Variants in TRPV4 observed in about 807,000 individuals in gnomAD.
TRPV4 encodes the protein transient receptor potential cation channel subfamily V member 4.
TRPV4 carries 58 observed loss-of-function variants against 84.1 expected under a neutral mutation model. That is an observed-to-expected ratio of 0.69 (90% CI 0.56 to 0.86). TRPV4 has a LOEUF of 0.86. TRPV4 is among the 40% of genes least tolerant of loss of function. The probability of loss-of-function intolerance (pLI) is 0.00; values close to 1 mark genes in which losing one functional copy is unlikely to be tolerated. For synonymous variants in TRPV4, 489 were observed against 500.9 expected, an observed-to-expected ratio of 0.98 and a Z score of 0.32; for missense variants, 879 against 1,181.1, an observed-to-expected ratio of 0.74 and a Z score of 3.75.
At chr12:109,792,850 G>A in intron 10 of TRPV4, 33 bp from the exon 11 acceptor site, 3 of 1,610,770 alleles carry the variant, frequency 1.9e-6, no homozygotes, top group Non-Finnish European at 2.5e-6. Flanking sequence ...AGAGAGGCCA[G>A]AGGGGAGAGG....
Position 109,800,601 on chromosome 12 carries a change from A to C in TRPV4, c.853+17T>G, listed in dbSNP as rs757137288. The C allele has an allele frequency of 1.9e-6, 3 of 1,613,936 alleles. No homozygotes were observed. In the Admixed American group the frequency reaches 5.0e-5, roughly 27 times the overall value. ...CTTCTCCAGCATGCTGTCAGCCCCC[A>C]CCAGGCCCCTCCTTACCAAAGTAGA... On this transcript the variant is annotated intron_variant, in intron 5 of 15. Transcript: ENST00000261740.
At chr12:109,807,270 C>A (rs1891203092) in intron 3 of TRPV4, among the ~76,000 whole-genome samples, 1 of 126,990 alleles carries the variant, frequency 7.9e-6, no homozygotes, top group African/African-American at 3.6e-5. Flanking sequence ...GAATGAAACT[C>A]TGTCTCAAAA....
chr12:109,805,220 G>A (rs75955159), intron 3 of TRPV4, among the ~76,000 whole-genome samples: 1,881 of 152,360 alleles, frequency 0.012, 18 homozygotes, highest in Non-Finnish European at 0.02. Flanking sequence ...ACAGTGCCTG[G>A]TATGTGGTAG....
Position 109,820,514 on chromosome 12 carries a change from C to CTTT in TRPV4, c.-31-5688_-31-5687insAAA, listed in dbSNP as rs1186445597. Among the ~76,000 whole-genome samples the CTTT allele has an allele frequency of 8.4e-4, 103 of 123,122 alleles. 3 individuals carry two copies. Among genetic ancestry groups the CTTT allele is most frequent in the East Asian group, 1.2e-3 (4 of 3,212 alleles). The allele number at this position is 123,122 out of a possible 152,430, so 80.8% of individuals were successfully genotyped here. ...CTGATCTTCACTTTCTTCAGCTGCC[C>CTTT]TATTTTTTTTTTTTTTTTTTTTTTT... On this transcript the variant is annotated intron_variant, in intron 1 of 15. Coordinates refer to ENST00000261740, the MANE Select transcript of TRPV4 (RefSeq NM_021625.5).
At chr12:109,801,896 T>C (rs576496594) in intron 4 of TRPV4, among the ~76,000 whole-genome samples, 2 of 152,164 alleles carry the variant, frequency 1.3e-5, no homozygotes, top group African/African-American at 2.4e-5. Context: ...ACTCAAGATA[T>C]AATATTCATG....
Position 109,808,306 on chromosome 12 carries a change from C to T in TRPV4, c.549G>A (p.Glu183=), listed in dbSNP as rs141908793. Residue 183 remains glutamate, a synonymous_variant, in exon 3 of 16, where the codon GAG becomes GAA. Transcript: ENST00000261740. ...ATCTGGGTGGCTCACCTCGAAACTC[C>T]TCATCAGTTAGGCGTTTCTTGTGGG... ...LLTHKKRLTD[E]EFREPSTGKT... 1.3e-3 allele frequency: 2,065 copies of T among 1,614,194 alleles called. 21 individuals carry two copies. Among genetic ancestry groups the T allele is most frequent in the South Asian group, 0.012 (1,049 of 91,084 alleles).
chr12:109,788,422 C>T lies in TRPV4; in HGVS notation c.2186G>A (p.Ser729Asn). 1.9e-6 allele frequency: 3 copies of T among 1,614,092 alleles called. No homozygotes were observed. Among genetic ancestry groups the T allele is most frequent in the East Asian group, 4.5e-5 (2 of 44,884 alleles). Residue 729 changes from serine to asparagine, a missense_variant, in exon 13 of 16, where the codon AGC (serine) becomes AAC (asparagine). Transcript: ENST00000261740. ...GETVGQVSKE[S>N]KHIWKLQWAT... ...CACCTGCAGCTTCCAGATGTGCTTG[C>T]TCTCCTTGGAGACCTGGCCCACTGT...
chr12:109,809,652 C>CCCAT (rs201492027), intron 2 of TRPV4, among the ~76,000 whole-genome samples: 38,343 of 148,106 alleles, frequency 0.26, 5,509 homozygotes, highest in East Asian at 0.63. Context: ...CACCCACCCA[C>CCCAT]CCATCCATCC....
chr12:109,809,003 C>T (rs1446471949), intron 2 of TRPV4, among the ~76,000 whole-genome samples: 1 of 150,950 alleles, frequency 6.6e-6, no homozygotes, highest in Non-Finnish European at 1.5e-5. Context: ...ATCCATCCAT[C>T]ACTCATCCAT....
At chr12:109,831,446 G>A (rs1675510576) in intron 1 of TRPV4, among the ~76,000 whole-genome samples, 1 of 152,214 alleles carries the variant, frequency 6.6e-6, no homozygotes, top group Admixed American at 6.5e-5. Flanking sequence ...TCAGGTGTGG[G>A]AGCTCCTCCC....
Position 109,792,441 on chromosome 12 carries a change from A to C in TRPV4, c.1825-12T>G, listed in dbSNP as rs957764571. 1.2e-6 allele frequency: 2 copies of C among 1,613,688 alleles called. No individual in the cohort carries two copies. Among genetic ancestry groups the C allele is most frequent in the Admixed American group, 1.7e-5 (1 of 59,978 alleles). Reference sequence around the variant, plus strand: ...TCCTTGAAGAGAATCTAAAGACCCCAGCGGGATTATGGAGGCAAAGAGGAG... The same window carrying C: ...TCCTTGAAGAGAATCTAAAGACCCCCGCGGGATTATGGAGGCAAAGAGGAG... On this transcript the variant is annotated splice_polypyrimidine_tract_variant and intron_variant, in intron 11 of 15. Coordinates refer to ENST00000261740, the MANE Select transcript of TRPV4 (RefSeq NM_021625.5).
intron 2 of TRPV4, among the ~76,000 whole-genome samples, chr12:109,812,988 G>A (rs1334782183): frequency 6.6e-6 from 1 of 152,114 alleles, no homozygotes; most frequent in Non-Finnish European, 1.5e-5. Flanking sequence ...TAAATGGATG[G>A]ATGGATGGAT....
At chr12:109,805,841 G>T (rs1379068584) in intron 3 of TRPV4, among the ~76,000 whole-genome samples, 1 of 152,144 alleles carries the variant, frequency 6.6e-6, no homozygotes, top group Non-Finnish European at 1.5e-5. Context: ...CATGCATCTG[G>T]GTTCCTGGAC....
chr12:109,814,279 G>T lies in TRPV4; in HGVS notation c.386+132C>A. On this transcript the variant is annotated intron_variant, in intron 2 of 15. Transcript: ENST00000261740. This position sits in a 1 kb window ranked among gnomAD's most constrained non-coding sequence, Gnocchi z 5.4. ...TGAATAGATGGATGGATAGATGTATGGATGGTTGGATGGACAGATGGATGG... is the reference window on the plus strand; with the variant it reads ...TGAATAGATGGATGGATAGATGTATTGATGGTTGGATGGACAGATGGATGG... The T allele has an allele frequency of 9.7e-7, 1 of 1,030,042 alleles. No homozygotes were observed. The highest frequency in any genetic ancestry group is 1.5e-6 in the Non-Finnish European group (1 of 683,968). 63.8% of individuals were successfully genotyped at this position (1,030,042 alleles called of 1,614,324 possible).
intron 1 of TRPV4, among the ~76,000 whole-genome samples, chr12:109,830,826 A>G (rs1259162762): frequency 6.6e-6 from 1 of 152,204 alleles, no homozygotes; most frequent in Non-Finnish European, 1.5e-5. Context: ...TCTCAAAAGT[A>G]TTTGTTCAGA....
Position 109,793,592 on chromosome 12 carries a change from G to C in TRPV4, c.1593C>G (p.Asp531Glu). The change falls in exon 10 of 16, where the codon GAC (aspartate) becomes GAG (glutamate). Residue 531 changes from aspartate to glutamate, a missense_variant. Physicochemically the swap from Asp to Glu is conservative, Grantham distance 45 (BLOSUM62 2). Transcript: ENST00000261740. This position sits in a 1 kb window ranked among gnomAD's most constrained non-coding sequence, Gnocchi z 4.0. ...CTCCAGGGCATTTCTTCATGAACAA[G>C]TCTTTGATCTGGAAGACAGGAGGGG... is the stretch of plus-strand genomic sequence containing the variant. ...GVLFFFTNIK[D>E]LFMKKCPGVN... 1 of 1,613,950 alleles carries C rather than the reference G, an allele frequency of 6.2e-7. No individual in the cohort carries two copies. Among genetic ancestry groups the C allele is most frequent in the South Asian group, 1.1e-5 (1 of 91,086 alleles).
At chr12:109,789,042 TGA>T (rs1889878485) in intron 12 of TRPV4, among the ~76,000 whole-genome samples, 1 of 152,174 alleles carries the variant, frequency 6.6e-6, no homozygotes, top group Non-Finnish European at 1.5e-5. Flanking sequence ...ATCCCACTAC[TGA>T]TAAGCGTAGG....
At position 109,783,882 on chromosome 12, in the gene TRPV4, G is replaced by A. The variant is rs532280498; in HGVS notation, c.2459-104C>T. ...CTGGGCACTCCACAGTGTTCTGAAG[G>A]GGGGATGTGACTATGCTCATTTTAC... On this transcript the variant is annotated intron_variant, in intron 15 of 15. Coordinates refer to ENST00000261740, the MANE Select transcript of TRPV4 (RefSeq NM_021625.5). This position sits in a 1 kb window ranked among gnomAD's most constrained non-coding sequence, Gnocchi z 4.6. The A allele has an allele frequency of 2.2e-6, 3 of 1,365,828 alleles. No individual in the cohort carries two copies. Among genetic ancestry groups the A allele is most frequent in the Admixed American group, 1.9e-5 (1 of 53,138 alleles). 84.6% of individuals were successfully genotyped at this position (1,365,828 alleles called of 1,614,324 possible). A position where few individuals can be genotyped will look rare whatever the true frequency, so the allele number is the denominator to read the frequency against.
Position 109,803,043 on chromosome 12 carries a change from G to T in TRPV4, c.660C>A (p.Thr220=), listed in dbSNP as rs139983004. The change falls in exon 4 of 16, where the codon ACC becomes ACA. Residue 220 remains threonine (T), a synonymous_variant. Transcript: ENST00000261740. ...IPVLLDIAER[T]GNMREFINSP... is the part of the protein sequence containing the mutation. Reference sequence around the variant, plus strand: ...AGTTAATGAACTCCCTCATGTTGCCGGTGCGCTCCGCGATGTCCAGCAGCA... The same window carrying T: ...AGTTAATGAACTCCCTCATGTTGCCTGTGCGCTCCGCGATGTCCAGCAGCA... 6.2e-7 allele frequency: 1 copy of T among 1,614,034 alleles called. No homozygotes were observed. The highest frequency in any genetic ancestry group is 8.5e-7 in the Non-Finnish European group (1 of 1,180,050).
Sources: gnomAD v4.1 joint callset for allele counts (sites outside exome capture counted in the v4.1 genomes callset) on GRCh38, gnomAD v4.1.1 for gene constraint, Gnocchi (gnomAD v3.1) non-coding constraint, MANE v1.5 for transcripts, NCBI Gene and HGNC (gene_info 2026-07-23, HGNC 2026-07-21) for gene names.